The following SPIRE1 variants were observed in gnomAD, a reference collection of about 807,000 sequenced individuals.
The protein encoded by SPIRE1 is spire type actin nucleation factor 1.
In SPIRE1, 40 loss-of-function variants were observed where a neutral mutation model predicts 94.1. The ratio of observed to expected loss-of-function variants is 0.43; its 90% CI spans 0.33 to 0.55. The LOEUF (loss-of-function observed/expected upper bound fraction) is 0.55, where lower values mean the gene tolerates loss of function less well. SPIRE1 is among the 20% of genes least tolerant of loss of function. The pLI is 0.06. For missense variants in SPIRE1, 838 were observed against 975.2 expected, an observed-to-expected ratio of 0.86 and a Z score of 1.87; for synonymous variants, 376 against 371.7, an observed-to-expected ratio of 1.01 and a Z score of -0.13.
chr18:12,660,729 CA>C (rs201820337), upstream of SPIRE1, among the ~76,000 whole-genome samples: 969 of 151,942 alleles, frequency 6.4e-3, 32 homozygotes, highest in Admixed American at 0.058. Context: ...CACTGTATCA[CA>C]AGACAGTTAT....
At chr18:12,629,786 G>A (rs1255822988) in intron 2 of SPIRE1, among the ~76,000 whole-genome samples, 1 of 152,052 alleles carries the variant, frequency 6.6e-6, no homozygotes, top group Non-Finnish European at 1.5e-5. Flanking sequence ...AGCAGAAAAA[G>A]TTATAGGGAA....
intron 2 of SPIRE1, among the ~76,000 whole-genome samples, chr18:12,608,999 T>C (rs2037064197): frequency 6.6e-6 from 1 of 152,138 alleles, no homozygotes; most frequent in Admixed American, 6.5e-5. Context: ...GTTTTCAGGA[T>C]GAAACTGTCC....
chr18:12,607,134 T>C (rs930897891), intron 2 of SPIRE1, among the ~76,000 whole-genome samples: 1 of 152,220 alleles, frequency 6.6e-6, no homozygotes, highest in African/African-American at 2.4e-5. Context: ...CTTGAGGAAC[T>C]TGTGACAATC....
chr18:12,498,761 G>T (rs1293870524), intron 6 of SPIRE1, among the ~76,000 whole-genome samples: 1 of 152,062 alleles, frequency 6.6e-6, no homozygotes, highest in East Asian at 1.9e-4. Context: ...TGAGTAGCTG[G>T]GACTACAGGT....
In SPIRE1 at chr18:12,479,394, C is replaced by G. The variant is rs148550674; in HGVS notation, c.1404+305G>C. ...CTTGCTATGTTGCCCAGGCTGGTCT[C>G]AAACTCATGGGCTCAGCGATACTCC... is the stretch of plus-strand genomic sequence containing the variant. On this transcript the variant is annotated intron_variant, in intron 10 of 16. Transcript: ENST00000409402. Among the ~76,000 whole-genome samples, 261 of 152,090 alleles carry G rather than the reference C, an allele frequency of 1.7e-3. 1 individual carries two copies. The highest frequency in any genetic ancestry group is 6.1e-3 in the African/African-American group (253 of 41,512).
At position 12,565,091 on chromosome 18, in the gene SPIRE1, A is replaced by C. The variant is rs544648072; in HGVS notation, c.373-18187T>G. On this transcript the variant is annotated intron_variant, in intron 2 of 16. Transcript: ENST00000409402. ...AGGTCCAAAATTTTAAAGAACATCGAGCATGATAAATGCCAAAAAACTACA... is the reference window on the plus strand; with the variant it reads ...AGGTCCAAAATTTTAAAGAACATCGCGCATGATAAATGCCAAAAAACTACA... Among the ~76,000 whole-genome samples, 16 of 152,306 alleles carry C rather than the reference A, an allele frequency of 1.1e-4. No homozygotes were observed. The South Asian group carries it at 3.3e-3, about 32-fold the overall frequency.
chr18:12,584,142 A>T (rs558161598), intron 2 of SPIRE1, among the ~76,000 whole-genome samples: 5 of 152,206 alleles, frequency 3.3e-5, no homozygotes, highest in Admixed American at 3.3e-4. Flanking sequence ...ATCAAAAAGA[A>T]AAATGGGCCA....
Position 12,506,615 on chromosome 18 carries a change from C to T in SPIRE1, c.834G>A (p.Arg278=), listed in dbSNP as rs766969597. The T allele has an allele frequency of 6.2e-7, 1 of 1,614,094 alleles. No individual in the cohort carries two copies. The highest frequency in any genetic ancestry group is 1.1e-5 in the South Asian group (1 of 91,072). Residue 278 remains arginine, a synonymous_variant, in exon 6 of 17, where the codon AGG becomes AGA. Transcript: ENST00000409402. ...DWARFWVQVM[R]DLRNGVKLKK... is the part of the protein sequence containing the mutation. ...TAAGTTTTACCCCATTCCTCAAATC[C>T]CTCATCACCTGTACCCAGAATCGTG... is the stretch of plus-strand genomic sequence containing the variant.
intron 1 of SPIRE1, among the ~76,000 whole-genome samples, chr18:12,641,787 A>G (rs908778148): frequency 6.6e-6 from 1 of 151,122 alleles, no homozygotes; most frequent in Non-Finnish European, 1.5e-5. Flanking sequence ...CCCCAACAAA[A>G]TCATCTTTGC....
At chr18:12,594,717 T>C (rs1722957031) in intron 2 of SPIRE1, among the ~76,000 whole-genome samples, 1 of 152,224 alleles carries the variant, frequency 6.6e-6, no homozygotes, top group Non-Finnish European at 1.5e-5. Flanking sequence ...AACAACACGT[T>C]TGAAGTGCAT....
At position 12,496,007 on chromosome 18, in the gene SPIRE1, A is replaced by G. The variant is rs746425166; in HGVS notation, c.1059+9T>C. The G allele has an allele frequency of 3.3e-5, 52 of 1,589,748 alleles. No individual in the cohort carries two copies. The highest frequency in any genetic ancestry group is 4.2e-5 in the Non-Finnish European group (49 of 1,157,896). On this transcript the variant is annotated intron_variant, in intron 7 of 16. Coordinates refer to ENST00000409402, the MANE Select transcript of SPIRE1 (RefSeq NM_001128626.2). ...TCTCCAATCTAGAGAACTATGTCGAATTACATACTGGATTTAAAGGAGGTC... is the reference window on the plus strand; with the variant it reads ...TCTCCAATCTAGAGAACTATGTCGAGTTACATACTGGATTTAAAGGAGGTC...
chr18:12,541,384 A>T (rs2048063266), intron 3 of SPIRE1, among the ~76,000 whole-genome samples: 1 of 152,180 alleles, frequency 6.6e-6, no homozygotes, highest in Admixed American at 6.5e-5. Flanking sequence ...CTATATTTGT[A>T]CTGATACTAA....
intron 2 of SPIRE1, among the ~76,000 whole-genome samples, chr18:12,567,415 C>T (rs1465154766): frequency 2.0e-5 from 3 of 152,166 alleles, no homozygotes. Context: ...AGATTCAATG[C>T]AATCCAAATT....
chr18:12,642,878 C>G (rs1245747385), intron 1 of SPIRE1, among the ~76,000 whole-genome samples: 2 of 152,086 alleles, frequency 1.3e-5, no homozygotes, highest in African/African-American at 4.8e-5. Flanking sequence ...CACATGTATA[C>G]CTATGTAACA....
At chr18:12,622,323 G>T (rs1000878519) in intron 2 of SPIRE1, among the ~76,000 whole-genome samples, 3 of 150,996 alleles carry the variant, frequency 2.0e-5, no homozygotes, top group Non-Finnish European at 4.4e-5. Flanking sequence ...AACAGCAGAT[G>T]AACAATACAT....
At chr18:12,459,119 ATATAT>A (rs1433817681) in intron 12 of SPIRE1, among the ~76,000 whole-genome samples, 1 of 152,222 alleles carries the variant, frequency 6.6e-6, no homozygotes, top group African/African-American at 2.4e-5. Flanking sequence ...TCAAATAATG[ATATAT>A]TATTCTGTGT....
Position 12,555,190 on chromosome 18 carries a change from T to C in SPIRE1, c.373-8286A>G, listed in dbSNP as rs1048754987. Reference sequence around the variant, plus strand: ...AGCTGCAGGCACCCAATTAAAGCCTTCTCCCCTGGCAATAACTGTTGTCTC... The same window carrying C: ...AGCTGCAGGCACCCAATTAAAGCCTCCTCCCCTGGCAATAACTGTTGTCTC... On this transcript the variant is annotated intron_variant, in intron 2 of 16. Coordinates refer to ENST00000409402, the MANE Select transcript of SPIRE1 (RefSeq NM_001128626.2). 3.9e-5 allele frequency among the ~76,000 whole-genome samples: 6 copies of C among 152,100 alleles called. No individual in the cohort carries two copies. The East Asian group carries it at 1.2e-3, about 29-fold the overall frequency.
intron 2 of SPIRE1, among the ~76,000 whole-genome samples, chr18:12,550,186 C>T (rs2035309018): frequency 6.6e-6 from 1 of 152,178 alleles, no homozygotes; most frequent in African/African-American, 2.4e-5. Context: ...CCAGTGCAAT[C>T]CCATTTCTGT....
At chr18:12,450,192 T>TA (rs57438729) in intron 16 of SPIRE1, among the ~76,000 whole-genome samples, 6,369 of 122,068 alleles carry the variant, frequency 0.052, 151 homozygotes, top group South Asian at 0.1. Flanking sequence ...CAGTCTCTAC[T>TA]AAAAAAAAAA....
Sources: allele counts gnomAD v4.1 joint callset (sites outside exome capture counted in the v4.1 genomes callset), GRCh38; gene constraint gnomAD v4.1.1; transcripts MANE v1.5; gene names NCBI Gene and HGNC (gene_info 2026-07-23, HGNC 2026-07-21).